Variants in GPRC5C observed in about 807,000 individuals in gnomAD.
GPRC5C encodes the protein G protein-coupled receptor class C group 5 member C.
Under a neutral mutation model 31.4 loss-of-function variants are expected in GPRC5C, and 22 were observed. The ratio of observed to expected loss-of-function variants is 0.70; its 90% confidence interval spans 0.50 to 1.00. The LOEUF is 1.00. Among genes scored for constraint, GPRC5C ranks in the 50% least tolerant of loss-of-function variants. The pLI, the probability that GPRC5C is intolerant of heterozygous loss-of-function variation, is 0.00. For synonymous variants in GPRC5C, 249 were observed against 257.5 expected (o/e 0.97, Z 0.32); for missense variants, 557 against 597.2 (o/e 0.93, Z 0.70).
At chr17:74,441,080 GC>G (rs2055532263) in intron 2 of GPRC5C, among the ~76,000 whole-genome samples, 2 of 151,738 alleles carry the variant, frequency 1.3e-5, no homozygotes, top group Non-Finnish European at 2.9e-5. Flanking sequence ...TTCGAGACCA[GC>G]CTGATCCACA....
chr17:74,445,192 G>C (rs899559936), intron 3 of GPRC5C: 1 of 152,088 alleles, frequency 6.6e-6, no homozygotes, highest in Non-Finnish European at 1.5e-5. Flanking sequence ...GGAGGTTGCA[G>C]TGAGCACAGA....
downstream of GPRC5C, chr17:74,451,488 T>C (rs1057119623): frequency 1.3e-5 from 2 of 151,980 alleles, no homozygotes; most frequent in African/African-American, 4.8e-5. Flanking sequence ...CAAACAAGCG[T>C]TGAATGGAAA....
intron 3 of GPRC5C, 72 bp from the exon 4 acceptor site, chr17:74,446,777 T>G: frequency 8.5e-7 from 1 of 1,169,876 alleles, no homozygotes; most frequent in Non-Finnish European, 1.3e-6. Flanking sequence ...CTGCAGGAAG[T>G]GTTTGTGCAT....
At position 74,447,137 on chromosome 17, in the gene GPRC5C, G is replaced by C; in HGVS notation, c.*109G>C. 1 of 1,496,516 alleles carries C rather than the reference G, an allele frequency of 6.7e-7. No individual in the cohort carries two copies. Among genetic ancestry groups the C allele is most frequent in the Non-Finnish European group, 8.9e-7 (1 of 1,123,242 alleles). The allele number at this position is 1,496,516 out of a possible 1,614,324, so 92.7% of individuals were successfully genotyped here. ...CTCCCCCTGGCAGGCCCAGCAACAT[G>C]TGCCCCAGATCTGGAAGGGCCTCCC... is the stretch of plus-strand genomic sequence containing the variant. On this transcript the variant is annotated 3_prime_UTR_variant, in exon 4 of 4. Coordinates refer to ENST00000392627, the MANE Select transcript of GPRC5C (RefSeq NM_022036.4).
rs759231446 is a variant in GPRC5C at position 74,440,393 on chromosome 17, A to G, written c.617A>G (p.Asn206Ser). ...GTGGCCTCCCCCTGTGCCATCGCCA[A>G]CATGGACTTTGTCATGGCACTCATC... ...WAVASPCAIA[N>S]MDFVMALIYV... The change falls in exon 2 of 4, where the codon AAC becomes AGC. Residue 206 changes from asparagine (N) to serine (S), a missense_variant. By Grantham distance (46) the Asn-to-Ser change is conservative. Coordinates refer to ENST00000392627, the MANE Select transcript of GPRC5C (RefSeq NM_022036.4). The surrounding 1 kb of genome is among the most constrained non-coding windows in gnomAD (Gnocchi z 4.4). 30 of 1,614,084 alleles carry G rather than the reference A, an allele frequency of 1.9e-5. No individual in the cohort carries two copies. Among genetic ancestry groups the G allele is most frequent in the Non-Finnish European group, 2.5e-5 (29 of 1,179,964 alleles).
chr17:74,448,441 A>C (rs1328706067), downstream of GPRC5C, among the ~76,000 whole-genome samples: 1 of 152,138 alleles, frequency 6.6e-6, no homozygotes, highest in Non-Finnish European at 1.5e-5. Flanking sequence ...GCAGTGGCAC[A>C]ATCTCGGCTC....
intron 1 of GPRC5C, chr17:74,432,411 C>A: frequency 8.5e-7 from 1 of 1,181,158 alleles, no homozygotes; most frequent in Non-Finnish European, 1.0e-6. Context: ...CAGCCAGGAC[C>A]GGGCCTGGCC....
At chr17:74,433,554 G>A (rs1006727293) in intron 1 of GPRC5C, 22 of 694,674 alleles carry the variant, frequency 3.2e-5, no homozygotes, top group African/African-American at 5.2e-5. Flanking sequence ...TGCACAGAGG[G>A]GTGAGACAGT....
chr17:74,449,186 G>GA (rs1482356739), downstream of GPRC5C: 2 of 391,690 alleles, frequency 5.1e-6, no homozygotes, highest in Admixed American at 3.8e-5. Context: ...TTGCTGGGAA[G>GA]AAAAAATAAA....
chr17:74,448,029 C>A (rs562742323), downstream of GPRC5C, among the ~76,000 whole-genome samples: 1 of 152,136 alleles, frequency 6.6e-6, no homozygotes. Flanking sequence ...TCCATTTATG[C>A]GGGGTGCGAT....
chr17:74,438,206 CATAT>C (rs71157066), intron 1 of GPRC5C, among the ~76,000 whole-genome samples: 4,074 of 44,878 alleles, frequency 0.091, 165 homozygotes, highest in Middle Eastern at 0.17. Context: ...TCTGCTAATT[CATAT>C]ATATATATAT....
Position 74,440,573 on chromosome 17 carries a change from G to T in GPRC5C, c.797G>T (p.Gly266Val). Residue 266 changes from glycine (G) to valine (V), a missense_variant, in exon 2 of 4, where the codon GGC becomes GTC. Coordinates refer to ENST00000392627, the MANE Select transcript of GPRC5C (RefSeq NM_022036.4). This position sits in a 1 kb window ranked among gnomAD's most constrained non-coding sequence, Gnocchi z 4.4. ...GTGTGGATCGTCATGTATACTTACG[G>T]CAACAAGCAGCACAACAGTCCCACC... Reference protein sequence around the residue: ...WVVWIVMYTYGNKQHNSPTWD... With the variant: ...WVVWIVMYTYVNKQHNSPTWD... 6.2e-7 allele frequency: 1 copy of T among 1,613,872 alleles called. No individual in the cohort carries two copies. The highest frequency in any genetic ancestry group is 1.1e-5 in the South Asian group (1 of 91,070).
rs1225366663 is a variant in GPRC5C, at chr17:74,447,068, G to A, written c.*40G>A. ...GGAGAGGCGGGCGGATTTGGGGAGGGCCCTGAGGACCTGGCCCCGGGCAAG... is the reference window on the plus strand; with the variant it reads ...GGAGAGGCGGGCGGATTTGGGGAGGACCCTGAGGACCTGGCCCCGGGCAAG... On this transcript the variant is annotated 3_prime_UTR_variant, in exon 4 of 4. Coordinates refer to ENST00000392627, the MANE Select transcript of GPRC5C (RefSeq NM_022036.4). The A allele has an allele frequency of 2.0e-5, 32 of 1,582,672 alleles. No individual in the cohort carries two copies. The highest frequency in any genetic ancestry group is 2.5e-5 in the Non-Finnish European group (29 of 1,159,156).
intron 1 of GPRC5C, among the ~76,000 whole-genome samples, chr17:74,435,767 G>A (rs915300084): frequency 1.9e-4 from 29 of 152,230 alleles, no homozygotes; most frequent in African/African-American, 6.8e-4. Context: ...CAGGGTACAG[G>A]CAAGTATTTC....
At chr17:74,443,945 C>A in intron 3 of GPRC5C, 33 bp downstream of exon 3, 1 of 1,435,380 alleles carries the variant, frequency 7.0e-7, no homozygotes, top group Non-Finnish European at 9.8e-7. Flanking sequence ...CGTGACACGT[C>A]TGGGCTACAG....
intron 1 of GPRC5C, chr17:74,432,408 G>C: frequency 8.1e-7 from 1 of 1,230,858 alleles, no homozygotes; most frequent in East Asian, 4.1e-5. Flanking sequence ...TCCCAGCCAG[G>C]ACCGGGCCTG....
intron 2 of GPRC5C, among the ~76,000 whole-genome samples, chr17:74,442,093 C>T (rs78255184): frequency 6.6e-6 from 1 of 152,184 alleles, no homozygotes; most frequent in African/African-American, 2.4e-5. Flanking sequence ...ACCTCCGCCT[C>T]CCGGGCTCAA....
At chr17:74,443,748 G>A (rs1415823611) in intron 2 of GPRC5C, 70 bp from the exon 3 acceptor site, 2 of 1,143,806 alleles carry the variant, frequency 1.7e-6, no homozygotes, top group Non-Finnish European at 2.7e-6. Context: ...AGCCTTGCTT[G>A]GTTTGTGGGA....
In GPRC5C at chr17:74,437,630, TTTTTTTTTTTTTTTGCTTCTGTGTTG is replaced by T. The variant is rs1261005126; in HGVS notation, c.-32-2114_-32-2089del. Among the ~76,000 whole-genome samples the T allele has an allele frequency of 4.1e-3, 435 of 105,846 alleles. 1 individual carries two copies. Among genetic ancestry groups the T allele is most frequent in the African/African-American group, 0.037 (421 of 11,518 alleles). The allele number at this position is 105,846 out of a possible 152,430, so 69.4% of individuals were successfully genotyped here. On this transcript the variant is annotated intron_variant, in intron 1 of 3. Coordinates refer to ENST00000392627, the MANE Select transcript of GPRC5C (RefSeq NM_022036.4). ...TTTCACATAACAATTATGGACAGAA[TTTTTTTTTTTTTTTGCTTCTGTGTTG>T]AAAAGAGGGACAATTTCTATCAACT...
Sources: gnomAD v4.1 joint callset for allele counts (sites outside exome capture counted in the v4.1 genomes callset) on GRCh38, gnomAD v4.1.1 for gene constraint, Gnocchi (gnomAD v3.1) non-coding constraint, MANE v1.5 for transcripts, NCBI Gene and HGNC (gene_info 2026-07-23, HGNC 2026-07-21) for gene names.